PIEZO1: variants seen among roughly 807,000 people sequenced by gnomAD.
PIEZO1 encodes piezo type mechanosensitive ion channel component 1 (Er blood group), also known as piezo-type mechanosensitive ion channel component 1.
Under a neutral mutation model 297.2 loss-of-function variants are expected in PIEZO1, and 296 were observed. The ratio of observed to expected loss-of-function variants is 1.00; its 90% CI spans 0.91 to 1.10. The LOEUF (loss-of-function observed/expected upper bound fraction) is 1.10. Among genes scored for constraint, PIEZO1 ranks in the 50% least tolerant of loss-of-function variants. The pLI is 0.00. For synonymous variants in PIEZO1, 2,427 were observed against 1,507.5 expected (o/e 1.61, Z -14.13); for missense variants, 5,018 against 3,455.5 (o/e 1.45, Z -11.34).
In PIEZO1 at chr16:88,715,961, G is replaced by C; in HGVS notation, c.7288C>G (p.Pro2430Ala). The stretch of plus-strand genomic sequence containing the variant: ...TAGCCAGCCAGGAAGCCGAGGCTCG[G>C]TGGGCTGACCTTGTCACTGAAAATG... ...MVIFSDKVSP[P>A]SLGFLAGYGI... Residue 2430 changes from proline to alanine, a missense_variant, in exon 50 of 51, where the codon CCG becomes GCG. Physicochemically the swap from Pro to Ala is conservative, Grantham distance 27. Coordinates refer to ENST00000301015, the MANE Select transcript of PIEZO1 (RefSeq NM_001142864.4). 6.5e-7 allele frequency: 1 copy of C among 1,549,930 alleles called. No homozygotes were observed. Among genetic ancestry groups the C allele is most frequent in the Non-Finnish European group, 8.7e-7 (1 of 1,146,710 alleles).
intron 1 of PIEZO1, among the ~76,000 whole-genome samples, chr16:88,751,163 A>G (rs977805775): frequency 2.6e-5 from 4 of 152,108 alleles, no homozygotes; most frequent in Non-Finnish European, 5.9e-5. Flanking sequence ...CTCAGTCCCC[A>G]AGACCCGAGC....
intron 1 of PIEZO1, among the ~76,000 whole-genome samples, chr16:88,750,461 C>T (rs893349082): frequency 1.3e-5 from 2 of 152,276 alleles, no homozygotes; most frequent in African/African-American, 4.8e-5. Flanking sequence ...TGGCCGCACT[C>T]GCCACAGCCC....
chr16:88,721,498 C>T, intron 38 of PIEZO1, 40 bp downstream of exon 38: 1 of 1,538,810 alleles, frequency 6.5e-7, no homozygotes, highest in Non-Finnish European at 8.8e-7. Context: ...GCCCAGAGGG[C>T]CTGCCCAGCC....
intron 1 of PIEZO1, among the ~76,000 whole-genome samples, chr16:88,759,311 G>C (rs1470640850): frequency 6.6e-6 from 1 of 152,236 alleles, no homozygotes; most frequent in Non-Finnish European, 1.5e-5. Context: ...TACCAGCTGA[G>C]CATGGGAAGC....
intron 44 of PIEZO1, chr16:88,717,455 C>T (rs939575645): frequency 1.6e-6 from 1 of 620,464 alleles, no homozygotes. Flanking sequence ...GAACGGACAA[C>T]CTTTTTCAAC....
At chr16:88,739,181 C>A in intron 5 of PIEZO1, 1 of 162,888 alleles carries the variant, frequency 6.1e-6, no homozygotes, top group East Asian at 1.8e-4. Flanking sequence ...TCCTGTGTAC[C>A]CCTGCCAGCC....
chr16:88,722,846 C>T lies in PIEZO1; in HGVS notation c.4659G>A (p.Glu1553=). The T allele has an allele frequency of 6.5e-7, 1 of 1,546,378 alleles. No homozygotes were observed. The highest frequency in any genetic ancestry group is 8.7e-7 in the Non-Finnish European group (1 of 1,146,634). The change falls in exon 34 of 51, where the codon GAG becomes GAA. Residue 1553 remains glutamate, a synonymous_variant. Coordinates refer to ENST00000301015, the MANE Select transcript of PIEZO1 (RefSeq NM_001142864.4). The part of the protein sequence containing the change: ...LRAERYLLTQ[E]LLQGGEVHRG... ...GCACGGGCAGGCTCACCTGCAGGAG[C>T]TCCTGTGTGAGGAGGTAGCGCTCTG... is the stretch of plus-strand genomic sequence containing the variant.
chr16:88,734,527 A>G lies in PIEZO1; in HGVS notation c.2009T>C (p.Leu670Pro). 2 of 1,543,274 alleles carry G rather than the reference A, an allele frequency of 1.3e-6. No homozygotes were observed. Among genetic ancestry groups the G allele is most frequent in the Non-Finnish European group, 1.8e-6 (2 of 1,142,838 alleles). The change falls in exon 16 of 51, where the codon CTG (leucine) becomes CCG (proline). Residue 670 changes from leucine (L) to proline (P), a missense_variant. Transcript: ENST00000301015. ...TGFTDEQLGD[L>P]GLEQFSVSEL... ...GGACACGCTGAACTGCTCCAGGCCC[A>G]GGTCCCCCAGCCTGTGGAGGGGCAG...
In PIEZO1 at chr16:88,742,362, T is replaced by TGGGCCACCAGGAAGAGCAGGCTGA; in HGVS notation, c.197_220dup (p.Leu66_Ala73dup). 1 of 1,535,336 alleles carries TGGGCCACCAGGAAGAGCAGGCTGA rather than the reference T, an allele frequency of 6.5e-7. No individual in the cohort carries two copies. Among genetic ancestry groups the TGGGCCACCAGGAAGAGCAGGCTGA allele is most frequent in the African/African-American group, 1.4e-5 (1 of 73,118 alleles). ...ATGCAGGCAGATCTGGAGGGCGAGATGGGCCACCAGGAAGAGCAGGCTGAG... is the reference window on the plus strand; with the variant it reads ...ATGCAGGCAGATCTGGAGGGCGAGATGGGCCACCAGGAAGAGCAGGCTGAGGGCCACCAGGAAGAGCAGGCTGAG... On this transcript the variant is annotated inframe_insertion, in exon 3 of 51. Coordinates refer to ENST00000301015, the MANE Select transcript of PIEZO1 (RefSeq NM_001142864.4).
At position 88,757,322 on chromosome 16, in the gene PIEZO1, G is replaced by T. The variant is rs1010076728; in HGVS notation, c.65-7843C>A. 1.5e-3 allele frequency among the ~76,000 whole-genome samples: 145 copies of T among 96,060 alleles called. 11 individuals carry two copies. Among genetic ancestry groups the T allele is most frequent in the African/African-American group, 2.8e-3 (75 of 26,918 alleles). 63.0% of individuals were successfully genotyped at this position (96,060 alleles called of 152,430 possible). A position where few individuals can be genotyped will look rare whatever the true frequency, so the allele number is the denominator to read the frequency against. ...GGTATGCAGGGGGCGTTGCTGGCGG[G>T]GGGGTGGGGGGTAGTTACCTAACCT... On this transcript the variant is annotated intron_variant, in intron 1 of 50. Coordinates refer to ENST00000301015, the MANE Select transcript of PIEZO1 (RefSeq NM_001142864.4).
At chr16:88,730,838 G>A (rs1458094704) in intron 22 of PIEZO1, among the ~76,000 whole-genome samples, 3 of 152,244 alleles carry the variant, frequency 2.0e-5, no homozygotes, top group East Asian at 1.9e-4. Flanking sequence ...AAAGCAGCCA[G>A]TAACAAATGG....
At chr16:88,746,893 C>T (rs143717023) in intron 2 of PIEZO1, among the ~76,000 whole-genome samples, 1 of 152,214 alleles carries the variant, frequency 6.6e-6, no homozygotes, top group Admixed American at 6.5e-5. Flanking sequence ...CAGACAGAAC[C>T]GGCTCCACAG....
intron 2 of PIEZO1, among the ~76,000 whole-genome samples, chr16:88,748,728 G>C (rs73266661): frequency 3.9e-5 from 6 of 152,056 alleles, no homozygotes; most frequent in African/African-American, 1.2e-4. Flanking sequence ...CTGCAACACG[G>C]ATCAGAAAAG....
chr16:88,731,478 G>T (rs1175640814), intron 22 of PIEZO1: 2 of 568,052 alleles, frequency 3.5e-6, no homozygotes, highest in Non-Finnish European at 3.1e-6. Context: ...AGAATACTGG[G>T]CAAAAAAGGA....
At chr16:88,742,261 C>T (rs1166364699) in intron 3 of PIEZO1, 39 bp downstream of exon 3, 4 of 1,520,112 alleles carry the variant, frequency 2.6e-6, no homozygotes, top group Non-Finnish European at 3.5e-6. Context: ...CCCTGACCCC[C>T]AGGATGGCTA....
In PIEZO1 at chr16:88,716,358, C is replaced by CA; in HGVS notation, c.7049+2dup. 6.5e-7 allele frequency: 1 copy of CA among 1,532,516 alleles called. No homozygotes were observed. The highest frequency in any genetic ancestry group is 8.8e-7 in the Non-Finnish European group (1 of 1,136,034). The allele number at this position is 1,532,516 out of a possible 1,614,324, so 94.9% of individuals were successfully genotyped here. A position where few individuals can be genotyped will look rare whatever the true frequency, so the allele number is the denominator to read the frequency against. ...CTGCCCACCACCCGGGCCCTTCACT[C>CA]ACACAGACTGGTCCGAGGTGCCCTC... On this transcript the variant is annotated splice_region_variant and intron_variant, in intron 48 of 50. Coordinates refer to ENST00000301015, the MANE Select transcript of PIEZO1 (RefSeq NM_001142864.4).
At chr16:88,752,854 C>G (rs1037779334) in intron 1 of PIEZO1, among the ~76,000 whole-genome samples, 5 of 151,340 alleles carry the variant, frequency 3.3e-5, no homozygotes, top group Admixed American at 1.3e-4. Flanking sequence ...ACACGCCCCC[C>G]AGAGTTTGTT....
At position 88,721,254 on chromosome 16, in the gene PIEZO1, C is replaced by T; in HGVS notation, c.5580G>A (p.Glu1860=). 1 of 1,543,310 alleles carries T rather than the reference C, an allele frequency of 6.5e-7. No individual in the cohort carries two copies. Among genetic ancestry groups the T allele is most frequent in the Non-Finnish European group, 8.7e-7 (1 of 1,146,466 alleles). The part of the protein sequence containing the change: ...PTDGTPEPQV[E]LRPRDTRRIS... ...TGCGCCTCGTATCACGGGGCCTGAG[C>T]TCCACTTGGGGTTCTGGGGTCCCGT... Residue 1860 remains glutamate, a synonymous_variant, in exon 39 of 51, where the codon GAG becomes GAA. Transcript: ENST00000301015.
rs1597438662 is a variant in PIEZO1, at chr16:88,715,869, G to A, written c.7317-15C>T. On this transcript the variant is annotated splice_polypyrimidine_tract_variant and intron_variant, in intron 50 of 50. Transcript: ENST00000301015. Reference sequence around the variant, plus strand: ...GCCCCATGATGCTGCGGGGGAAGCTGGTGAGTCCTGGGGCCGCCCGGAGCC... The same window carrying A: ...GCCCCATGATGCTGCGGGGGAAGCTAGTGAGTCCTGGGGCCGCCCGGAGCC... 1.3e-6 allele frequency: 2 copies of A among 1,548,734 alleles called. No homozygotes were observed. Among genetic ancestry groups the A allele is most frequent in the South Asian group, 2.4e-5 (2 of 84,026 alleles).
Sources: allele counts gnomAD v4.1 joint callset (sites outside exome capture counted in the v4.1 genomes callset), GRCh38; gene constraint gnomAD v4.1.1; transcripts MANE v1.5; gene names NCBI Gene and HGNC (gene_info 2026-07-23, HGNC 2026-07-21).